Variants in DAAM2 observed in about 807,000 individuals in gnomAD.
The protein encoded by DAAM2 is dishevelled associated activator of morphogenesis 2, also known as disheveled-associated activator of morphogenesis 2.
A neutral mutation model predicts 120.7 loss-of-function variants in DAAM2; 39 were observed. That is an observed-to-expected ratio of 0.32 (90% CI 0.25 to 0.42). The LOEUF is 0.42. Among genes scored for constraint, DAAM2 ranks in the 10% least tolerant of loss-of-function variants. The pLI is 1.00. For synonymous variants in DAAM2, 488 were observed against 524.9 expected, an observed-to-expected ratio of 0.93 and a Z score of 0.96; for missense variants, 1,283 against 1,401.7, an observed-to-expected ratio of 0.92 and a Z score of 1.35.
chr6:39,838,455 G>A (rs145876740), intron 1 of DAAM2, among the ~76,000 whole-genome samples: 80 of 152,306 alleles, frequency 5.3e-4, no homozygotes, highest in African/African-American at 1.9e-3. Flanking sequence ...ACGCAGGTGA[G>A]CTCTGACTTT....
intron 17 of DAAM2, 117 bp from the exon 18 acceptor site, chr6:39,891,224 C>A: frequency 1.4e-6 from 1 of 710,898 alleles, no homozygotes; most frequent in Admixed American, 2.2e-5. Context: ...ATGAGGGTGC[C>A]TCCCTCTTTC....
In DAAM2 at chr6:39,815,083, A is replaced by C. The variant is rs183228682; in HGVS notation, c.-57+22618A>C. Among the ~76,000 whole-genome samples the C allele has an allele frequency of 1.1e-4, 16 of 152,346 alleles. No homozygotes were observed. In the East Asian group the frequency reaches 2.1e-3, roughly 20 times the overall value. On this transcript the variant is annotated intron_variant, in intron 1 of 24. Coordinates refer to ENST00000274867, the MANE Select transcript of DAAM2 (RefSeq NM_001201427.2). ...AGAATCACCTGTGAACTTCTTAGAA[A>C]TGCACATCCCTGGGCTCTGCCCAAG...
chr6:39,891,270 G>A (rs1023937359), intron 17 of DAAM2, 71 bp from the exon 18 acceptor site: 1 of 1,246,986 alleles, frequency 8.0e-7, no homozygotes. Context: ...AGTCAGTACA[G>A]CTTCTCACAC....
chr6:39,813,728 C>T (rs9462567), intron 1 of DAAM2, among the ~76,000 whole-genome samples: 1,919 of 152,296 alleles, frequency 0.013, 43 homozygotes, highest in African/African-American at 0.043. Context: ...AGCTTCCCAC[C>T]TGGCCACAAA....
Position 39,867,795 on chromosome 6 carries a change from G to C in DAAM2, c.714G>C (p.Gln238His). The C allele has an allele frequency of 6.2e-7, 1 of 1,612,040 alleles. No individual in the cohort carries two copies. Among genetic ancestry groups the C allele is most frequent in the Non-Finnish European group, 8.5e-7 (1 of 1,179,258 alleles). Residue 238 changes from glutamine (Q) to histidine (H), a missense_variant, in exon 6 of 25, where the codon CAG (glutamine) becomes CAC (histidine). This residue lies in a region of DAAM2 where 338 missense variants were observed against 443.9 expected (regional missense o/e 0.76). Transcript: ENST00000274867. Reference protein sequence around the residue: ...LVPGGHKKVLQAMLHYQVYAA... With the variant: ...LVPGGHKKVLHAMLHYQVYAA... ...CTGGTGGCCACAAGAAGGTGCTGCA[G>C]GCCATGCTGCACTACCAGGTGTATG...
rs1265434567 is a variant in DAAM2, at chr6:39,904,645, C to A, written c.*2608C>A. On this transcript the variant is annotated 3_prime_UTR_variant, in exon 25 of 25. Coordinates refer to ENST00000274867, the MANE Select transcript of DAAM2 (RefSeq NM_001201427.2). ...GTGAATGGGGAAGGGTCTGTTCCAG[C>A]CTCTCCCTACTCCCATCCCATTTCC... 2.2e-6 allele frequency: 1 copy of A among 454,084 alleles called. No individual in the cohort carries two copies. The highest frequency in any genetic ancestry group is 7.0e-5 in the East Asian group (1 of 14,386). 28.1% of individuals were successfully genotyped at this position (454,084 alleles called of 1,614,324 possible). A position where few individuals can be genotyped will look rare whatever the true frequency, so the allele number is the denominator to read the frequency against.
chr6:39,902,185 C>CA lies in DAAM2; in HGVS notation c.*149dup. 1 of 580,972 alleles carries CA rather than the reference C, an allele frequency of 1.7e-6. No homozygotes were observed. The highest frequency in any genetic ancestry group is 2.6e-5 in the South Asian group (1 of 38,574). 36.0% of individuals were successfully genotyped at this position (580,972 alleles called of 1,614,324 possible). ...GATGGGGGGCTGTGTGTGGCTGGAC[C>CA]AGGTGTCTCCCCACGCTTACCTTAA... is the stretch of plus-strand genomic sequence containing the variant. On this transcript the variant is annotated 3_prime_UTR_variant, in exon 25 of 25. Transcript: ENST00000274867.
chr6:39,904,719 A>T lies in DAAM2; in HGVS notation c.*2682A>T. Reference sequence around the variant, plus strand: ...CTATCTCCCCCGACTTCTACCAGGGATGCCTTCACGCCAAGGCTGTTCTCA... The same window carrying T: ...CTATCTCCCCCGACTTCTACCAGGGTTGCCTTCACGCCAAGGCTGTTCTCA... On this transcript the variant is annotated 3_prime_UTR_variant, in exon 25 of 25. Transcript: ENST00000274867. 1 of 454,102 alleles carries T rather than the reference A, an allele frequency of 2.2e-6. No individual in the cohort carries two copies. Among genetic ancestry groups the T allele is most frequent in the Non-Finnish European group, 4.4e-6 (1 of 226,792 alleles). 28.1% of individuals were successfully genotyped at this position (454,102 alleles called of 1,614,324 possible). A position where few individuals can be genotyped will look rare whatever the true frequency, so the allele number is the denominator to read the frequency against.
At chr6:39,882,009 T>A (rs1009013681) in intron 14 of DAAM2, 1 of 152,100 alleles carries the variant, frequency 6.6e-6, no homozygotes, top group African/African-American at 2.4e-5. Context: ...TAGGCCCGCC[T>A]GACCCCAAAG....
chr6:39,893,973 T>C (rs1765911025), intron 19 of DAAM2, among the ~76,000 whole-genome samples: 1 of 152,206 alleles, frequency 6.6e-6, no homozygotes, highest in African/African-American at 2.4e-5. Context: ...TCACCAAATT[T>C]GACAAATTTA....
At chr6:39,871,388 T>C (rs2504088) in intron 8 of DAAM2, 118 bp from the exon 9 acceptor site, 619,080 of 963,738 alleles carry the variant, frequency 0.64, 201,837 homozygotes, top group African/African-American at 0.85. Flanking sequence ...TTGCCTTCAT[T>C]TTGCTTGAAT....
At chr6:39,893,171 C>T (rs1582758069) in intron 19 of DAAM2, among the ~76,000 whole-genome samples, 1 of 152,298 alleles carries the variant, frequency 6.6e-6, no homozygotes, top group African/African-American at 2.4e-5. Flanking sequence ...AGTAGCTTAG[C>T]CATCAGAAAG....
chr6:39,832,526 GTAAT>G (rs1006425264), intron 1 of DAAM2, among the ~76,000 whole-genome samples: 1 of 152,154 alleles, frequency 6.6e-6, no homozygotes, highest in African/African-American at 2.4e-5. Context: ...GCAGGAAAAA[GTAAT>G]TGATTCTTAT....
intron 1 of DAAM2, chr6:39,855,966 G>C: frequency 1.1e-6 from 1 of 912,398 alleles, no homozygotes; most frequent in Non-Finnish European, 1.3e-6. Context: ...CCCAGCCTTT[G>C]TCCTTCTCTG....
At chr6:39,803,684 T>C (rs1043997829) in intron 1 of DAAM2, among the ~76,000 whole-genome samples, 3 of 152,258 alleles carry the variant, frequency 2.0e-5, no homozygotes, top group South Asian at 4.1e-4. Context: ...GGTGACTCGC[T>C]TTAGCCTCAG....
rs376069544 is a variant in DAAM2, at chr6:39,864,487, C to A, written c.313C>A (p.Arg105Ser). ...ATSWPDYYIDRINSMAAMQSL... is the reference protein window; with the variant it reads ...ATSWPDYYIDSINSMAAMQSL... ...CAGCTGGCCTGACTATTACATCGAC[C>A]GCATCAATTCCATGGCTGCGGTGAG... The change falls in exon 4 of 25, where the codon CGC becomes AGC. Residue 105 changes from arginine (R) to serine (S), a missense_variant. Physicochemically the swap from Arg to Ser is moderately radical, Grantham distance 110 (BLOSUM62 -1). Coordinates refer to ENST00000274867, the MANE Select transcript of DAAM2 (RefSeq NM_001201427.2). 1.2e-6 allele frequency: 2 copies of A among 1,612,128 alleles called. No homozygotes were observed. The highest frequency in any genetic ancestry group is 1.7e-5 in the Admixed American group (1 of 59,924).
chr6:39,849,777 G>A (rs148516527), intron 1 of DAAM2, among the ~76,000 whole-genome samples: 21 of 152,162 alleles, frequency 1.4e-4, no homozygotes, highest in African/African-American at 5.1e-4. Flanking sequence ...CAGGTGTGGT[G>A]TAGGTGGGCA....
intron 21 of DAAM2, among the ~76,000 whole-genome samples, chr6:39,897,793 C>A (rs763937148): frequency 5.3e-5 from 8 of 152,134 alleles, no homozygotes; most frequent in Non-Finnish European, 1.2e-4. Context: ...TAGGTAAAAT[C>A]AAAATGCGCA....
chr6:39,898,562 G>A (rs569433349), intron 21 of DAAM2, among the ~76,000 whole-genome samples: 19 of 152,304 alleles, frequency 1.2e-4, no homozygotes, highest in African/African-American at 4.3e-4. Flanking sequence ...AGCATTACCT[G>A]GTAGTAATAA....
Sources: allele counts gnomAD v4.1 joint callset (sites outside exome capture counted in the v4.1 genomes callset), GRCh38; gene constraint gnomAD v4.1.1; regional missense constraint gnomAD v4.1.1; transcripts MANE v1.5; gene names NCBI Gene and HGNC (gene_info 2026-07-23, HGNC 2026-07-21).